GPATCH8: variants seen among roughly 807,000 people sequenced by gnomAD.
The protein encoded by GPATCH8 is G patch domain-containing protein 8.
Under a neutral mutation model 118.3 loss-of-function variants are expected in GPATCH8, and 18 were observed. The observed-to-expected ratio is 0.15, with a 90% CI of 0.11 to 0.23. The LOEUF (loss-of-function observed/expected upper bound fraction) is 0.23. GPATCH8 is among the 10% of genes least tolerant of loss of function. The pLI is 1.00. For missense variants in GPATCH8, 1,631 were observed against 1,873.8 expected, an observed-to-expected ratio of 0.87 and a Z score of 2.39; for synonymous variants, 659 against 684.7, an observed-to-expected ratio of 0.96 and a Z score of 0.59.
At chr17:44,472,084 T>C (rs1372411006) in intron 2 of GPATCH8, among the ~76,000 whole-genome samples, 1 of 151,972 alleles carries the variant, frequency 6.6e-6, no homozygotes, top group Non-Finnish European at 1.5e-5. Flanking sequence ...TCCTACAACC[T>C]AAACTATCTC....
rs769408404 is a variant in GPATCH8 at position 44,398,651 on chromosome 17, C to T, written c.3426G>A (p.Lys1142=). Residue 1142 remains lysine, a synonymous_variant, in exon 8 of 8, where the codon AAG becomes AAA. Coordinates refer to ENST00000591680, the MANE Select transcript of GPATCH8 (RefSeq NM_001002909.4). The part of the protein sequence containing the change: ...GPKLPPSLGN[K]PVLPLIGKLP... Reference sequence around the variant, plus strand: ...GCTTCCCTATCAGTGGAAGGACAGGCTTATTGCCAAGAGATGGGGGGAGCT... The same window carrying T: ...GCTTCCCTATCAGTGGAAGGACAGGTTTATTGCCAAGAGATGGGGGGAGCT... The T allele has an allele frequency of 5.1e-6, 8 of 1,560,632 alleles. No individual in the cohort carries two copies. In the Admixed American group the frequency reaches 7.4e-5, roughly 14 times the overall value.
chr17:44,476,671 C>T (rs1967808734), intron 1 of GPATCH8, among the ~76,000 whole-genome samples: 1 of 152,044 alleles, frequency 6.6e-6, no homozygotes. Context: ...CTGATACCTC[C>T]CGGCTTTTCA....
chr17:44,426,087 A>G (rs2050080481), intron 5 of GPATCH8, among the ~76,000 whole-genome samples: 1 of 152,206 alleles, frequency 6.6e-6, no homozygotes, highest in Admixed American at 6.5e-5. Context: ...AATATCAAAA[A>G]AGCCAAAGGT....
In GPATCH8 at chr17:44,443,543, T is replaced by TA. The variant is rs200333650; in HGVS notation, c.194-6999dup. 3.2e-3 allele frequency among the ~76,000 whole-genome samples: 484 copies of TA among 151,440 alleles called. 5 individuals are homozygous for TA. The highest frequency in any genetic ancestry group is 0.011 in the African/African-American group (449 of 41,344). On this transcript the variant is annotated intron_variant, in intron 3 of 7. Transcript: ENST00000591680. ...TAATCCCTAGAGAGTTTTTAAGGTT[T>TA]AAAAAAAAAGGAAAAACTTTCTACC...
chr17:44,405,654 G>A (rs995209757), intron 7 of GPATCH8, among the ~76,000 whole-genome samples: 8 of 151,580 alleles, frequency 5.3e-5, no homozygotes, highest in African/African-American at 1.5e-4. Context: ...ACAGGCGCTC[G>A]CCACCATGCC....
At chr17:44,466,225 C>T (rs2144315835) in intron 2 of GPATCH8, among the ~76,000 whole-genome samples, 1 of 152,182 alleles carries the variant, frequency 6.6e-6, no homozygotes, top group East Asian at 1.9e-4. Context: ...CCACGATGAT[C>T]TAGAACTCCT....
intron 1 of GPATCH8, among the ~76,000 whole-genome samples, chr17:44,484,488 C>T (rs1479713132): frequency 6.6e-6 from 1 of 152,128 alleles, no homozygotes; most frequent in East Asian, 1.9e-4. Context: ...GAAAAGTTGG[C>T]TACAAAAAAC....
At chr17:44,424,326 G>C in intron 6 of GPATCH8, 23 bp downstream of exon 6, 1 of 1,529,450 alleles carries the variant, frequency 6.5e-7, no homozygotes, top group East Asian at 2.2e-5. Flanking sequence ...ACCTTCTTCT[G>C]TTAGCAAGTA....
chr17:44,406,377 T>C (rs2049221681), intron 6 of GPATCH8, among the ~76,000 whole-genome samples: 1 of 150,096 alleles, frequency 6.7e-6, no homozygotes. Flanking sequence ...GATGCAAAAC[T>C]AGACAAACAT....
intron 3 of GPATCH8, among the ~76,000 whole-genome samples, chr17:44,453,500 GGTGTGTGT>G (rs56962134): frequency 2.1e-5 from 3 of 142,702 alleles, no homozygotes; most frequent in African/African-American, 5.4e-5. Flanking sequence ...GGTAGGTAGG[GGTGTGTGT>G]GTGTGTGTGT....
chr17:44,414,123 A>ATGTG (rs1441192090), intron 6 of GPATCH8, among the ~76,000 whole-genome samples: 2 of 32,468 alleles, frequency 6.2e-5, no homozygotes, highest in Non-Finnish European at 9.7e-5. Context: ...ATATGTATAT[A>ATGTG]TATGTGTATA....
At chr17:44,459,699 G>A (rs762602259) in intron 3 of GPATCH8, among the ~76,000 whole-genome samples, 2 of 151,752 alleles carry the variant, frequency 1.3e-5, no homozygotes, top group African/African-American at 2.4e-5. Flanking sequence ...ATCATCCTTG[G>A]CTTCAAGGAA....
chr17:44,429,783 G>C (rs919972320), intron 5 of GPATCH8, among the ~76,000 whole-genome samples: 4 of 151,898 alleles, frequency 2.6e-5, no homozygotes, highest in Non-Finnish European at 5.9e-5. Flanking sequence ...AGAATTGCTT[G>C]AACTCAGGAG....
At chr17:44,476,984 TTG>T (rs1033432334) in intron 1 of GPATCH8, among the ~76,000 whole-genome samples, 7 of 152,328 alleles carry the variant, frequency 4.6e-5, no homozygotes, top group African/African-American at 1.4e-4. Context: ...GCATCAGGAT[TTG>T]TGAGTCCCAC....
intron 6 of GPATCH8, 53 bp from the exon 7 acceptor site, chr17:44,406,104 G>C (rs926787788): frequency 7.4e-7 from 1 of 1,357,642 alleles, no homozygotes; most frequent in Admixed American, 1.7e-5. Flanking sequence ...AGTAACTTGG[G>C]AATCAGAAAG....
At chr17:44,470,953 G>A (rs1967231895) in intron 2 of GPATCH8, among the ~76,000 whole-genome samples, 1 of 152,112 alleles carries the variant, frequency 6.6e-6, no homozygotes, top group African/African-American at 2.4e-5. Flanking sequence ...AGTAAGTGGA[G>A]GTTATAATTA....
At chr17:44,414,083 GTGTGTATATATATATA>G (rs1363987106) in intron 6 of GPATCH8, among the ~76,000 whole-genome samples, 1 of 141,608 alleles carries the variant, frequency 7.1e-6, no homozygotes, top group Admixed American at 7.3e-5. Flanking sequence ...ATATATATGT[GTGTGTATATATATATA>G]TGTGTGTATA....
chr17:44,497,844 G>A (rs552234976), intron 1 of GPATCH8, among the ~76,000 whole-genome samples: 2 of 152,050 alleles, frequency 1.3e-5, no homozygotes, highest in Non-Finnish European at 2.9e-5. Context: ...GGAGGCTGAA[G>A]CGGGAGGATT....
chr17:44,498,769 G>A (rs544854983), intron 1 of GPATCH8, among the ~76,000 whole-genome samples: 6 of 152,244 alleles, frequency 3.9e-5, no homozygotes, highest in African/African-American at 7.2e-5. Flanking sequence ...TTACGGGAGC[G>A]AGACATAGGA....
Sources: allele counts gnomAD v4.1 joint callset (sites outside exome capture counted in the v4.1 genomes callset), GRCh38; gene constraint gnomAD v4.1.1; transcripts MANE v1.5; gene names NCBI Gene and HGNC (gene_info 2026-07-23, HGNC 2026-07-21).